Variants in NRXN1 observed in about 807,000 individuals in gnomAD.
NRXN1 encodes the protein neurexin 1, also known as neurexin-1.
NRXN1 carries 39 observed loss-of-function variants against 150.9 expected under a neutral mutation model. That is an observed-to-expected ratio of 0.26 (90% CI 0.20 to 0.34). The LOEUF (loss-of-function observed/expected upper bound fraction) is 0.34, where lower values mean the gene tolerates loss of function less well. Among genes scored for constraint, NRXN1 ranks in the 10% least tolerant of loss-of-function variants. The pLI, the probability that NRXN1 is intolerant of heterozygous loss-of-function variation, is 1.00. For synonymous variants in NRXN1, 924 were observed against 757.0 expected (o/e 1.22, Z -3.62); for missense variants, 1,815 against 1,949.9 (o/e 0.93, Z 1.30).
At chr2:50,330,218 G>C (rs1264223396) in intron 17 of NRXN1, among the ~76,000 whole-genome samples, 2 of 151,800 alleles carry the variant, frequency 1.3e-5, no homozygotes, top group African/African-American at 4.8e-5. Flanking sequence ...CTACTAAAAG[G>C]AATATACCAA....
chr2:50,734,175 C>T (rs1043917842), intron 5 of NRXN1, among the ~76,000 whole-genome samples: 3 of 152,122 alleles, frequency 2.0e-5, no homozygotes, highest in Non-Finnish European at 4.4e-5. Flanking sequence ...GCCCCTATGT[C>T]AAAGAATTCT....
intron 17 of NRXN1, among the ~76,000 whole-genome samples, chr2:50,462,251 G>C (rs577440206): frequency 2.6e-5 from 4 of 151,904 alleles, no homozygotes; most frequent in African/African-American, 9.6e-5. Flanking sequence ...TTATAGGGAG[G>C]TAAGACTAAA....
rs543543798 is a variant in NRXN1, at chr2:50,073,232, C to T, written c.3718+18091G>A. ...CTTTAGACTATTCCCTGCACTTTAGCCAGAAAAATTATTTGAAATCATGTG... is the reference window on the plus strand; with the variant it reads ...CTTTAGACTATTCCCTGCACTTTAGTCAGAAAAATTATTTGAAATCATGTG... On this transcript the variant is annotated intron_variant, in intron 19 of 22. Coordinates refer to ENST00000401669, the MANE Select transcript of NRXN1 (RefSeq NM_001330078.2). Among the ~76,000 whole-genome samples, 7 of 152,252 alleles carry T rather than the reference C, an allele frequency of 4.6e-5. No homozygotes were observed. The South Asian group carries it at 1.2e-3, about 27-fold the overall frequency.
At chr2:49,963,767 G>A (rs1384280088) in intron 21 of NRXN1, among the ~76,000 whole-genome samples, 1 of 152,154 alleles carries the variant, frequency 6.6e-6, no homozygotes, top group Non-Finnish European at 1.5e-5. Context: ...TCATTAAAAT[G>A]TCTATGAACG....
intron 21 of NRXN1, among the ~76,000 whole-genome samples, chr2:50,039,308 A>AC (rs2152575220): frequency 6.6e-6 from 1 of 152,238 alleles, no homozygotes; most frequent in African/African-American, 2.4e-5. Flanking sequence ...TCTACTAAAA[A>AC]TACAAAAATC....
chr2:50,130,393 T>C (rs1705300274), intron 18 of NRXN1, among the ~76,000 whole-genome samples: 1 of 152,152 alleles, frequency 6.6e-6, no homozygotes, highest in Non-Finnish European at 1.5e-5. Flanking sequence ...AATCAACATG[T>C]AGCCCATAAA....
At chr2:50,729,253 C>T (rs529325014) in intron 5 of NRXN1, among the ~76,000 whole-genome samples, 11 of 151,926 alleles carry the variant, frequency 7.2e-5, no homozygotes, top group Non-Finnish European at 1.0e-4. Context: ...TTATTATTTC[C>T]GAAATTAGGT....
At chr2:50,767,331 A>G (rs1206837082) in intron 5 of NRXN1, among the ~76,000 whole-genome samples, 1 of 152,096 alleles carries the variant, frequency 6.6e-6, no homozygotes, top group Non-Finnish European at 1.5e-5. Context: ...AATAAGTTGT[A>G]TATTTTCTCC....
intron 5 of NRXN1, among the ~76,000 whole-genome samples, chr2:50,736,127 A>T (rs2105236177): frequency 6.6e-6 from 1 of 152,284 alleles, no homozygotes; most frequent in African/African-American, 2.4e-5. Context: ...TGCTTCCCGT[A>T]TTTCAGCTAC....
chr2:50,655,156 G>T (rs1686232995), intron 5 of NRXN1, among the ~76,000 whole-genome samples: 1 of 151,480 alleles, frequency 6.6e-6, no homozygotes, highest in African/African-American at 2.4e-5. Flanking sequence ...GATCAGGTGA[G>T]CCATACTTTT....
At chr2:50,232,337 G>C (rs1425364300) in intron 18 of NRXN1, among the ~76,000 whole-genome samples, 1 of 150,358 alleles carries the variant, frequency 6.7e-6, no homozygotes, top group Non-Finnish European at 1.5e-5. Context: ...ATGTACTGAA[G>C]TAAATGATGA....
chr2:50,927,966 T>C (rs184068618), intron 2 of NRXN1, among the ~76,000 whole-genome samples: 2 of 152,114 alleles, frequency 1.3e-5, no homozygotes, highest in Admixed American at 6.6e-5. Context: ...TAGGGCATTA[T>C]AAAAGGAGTT....
intron 21 of NRXN1, among the ~76,000 whole-genome samples, chr2:50,017,075 T>G (rs1261502614): frequency 2.0e-5 from 3 of 152,166 alleles, no homozygotes; most frequent in Non-Finnish European, 2.9e-5. Flanking sequence ...CTTTCAGGAA[T>G]AATACTGGAA....
intron 10 of NRXN1, among the ~76,000 whole-genome samples, chr2:50,533,455 A>G (rs1399472325): frequency 6.6e-6 from 1 of 152,142 alleles, no homozygotes; most frequent in African/African-American, 2.4e-5. Flanking sequence ...CATTGCTCAG[A>G]CCTAAAGCTT....
At chr2:50,992,387 T>G (rs549997416) in intron 2 of NRXN1, among the ~76,000 whole-genome samples, 4 of 152,082 alleles carry the variant, frequency 2.6e-5, no homozygotes, top group African/African-American at 9.6e-5. Flanking sequence ...CTCAAACCTT[T>G]TATTAAATTA....
intron 17 of NRXN1, among the ~76,000 whole-genome samples, chr2:50,445,171 G>A (rs1200829497): frequency 6.6e-6 from 1 of 152,090 alleles, no homozygotes; most frequent in Non-Finnish European, 1.5e-5. Context: ...GAGTCCTGCT[G>A]GATGGCCCGC....
intron 5 of NRXN1, among the ~76,000 whole-genome samples, chr2:50,652,188 C>A (rs1685739346): frequency 6.6e-6 from 1 of 152,000 alleles, no homozygotes; most frequent in Non-Finnish European, 1.5e-5. Context: ...CTTCTTTTAC[C>A]TCCAGGCTTC....
In NRXN1 at chr2:50,157,179, G is replaced by A. The variant is rs527319213; in HGVS notation, c.3547-65685C>T. Among the ~76,000 whole-genome samples, 5 of 152,014 alleles carry A rather than the reference G, an allele frequency of 3.3e-5. No individual in the cohort carries two copies. The East Asian group carries it at 7.8e-4, about 24-fold the overall frequency. Reference sequence around the variant, plus strand: ...GGATATTGTGGTGAATAAGATATGGGCTCTGTCTCTAAGGCTACTGACATT... The same window carrying A: ...GGATATTGTGGTGAATAAGATATGGACTCTGTCTCTAAGGCTACTGACATT... On this transcript the variant is annotated intron_variant, in intron 18 of 22. Coordinates refer to ENST00000401669, the MANE Select transcript of NRXN1 (RefSeq NM_001330078.2).
At chr2:50,687,069 T>C (rs565985699) in intron 5 of NRXN1, among the ~76,000 whole-genome samples, 1 of 152,326 alleles carries the variant, frequency 6.6e-6, no homozygotes, top group South Asian at 2.1e-4. Context: ...CATCTTTTAT[T>C]AGAATTGCTT....
Sources: gnomAD v4.1 joint callset for allele counts (sites outside exome capture counted in the v4.1 genomes callset) on GRCh38, gnomAD v4.1.1 for gene constraint, MANE v1.5 for transcripts, NCBI Gene and HGNC (gene_info 2026-07-23, HGNC 2026-07-21) for gene names.